The following FNDC3B variants were observed in gnomAD, a reference collection of about 807,000 sequenced individuals.
FNDC3B encodes the protein fibronectin type III domain-containing protein 3B.
A neutral mutation model predicts 151.5 loss-of-function variants in FNDC3B; 12 were observed. That is an observed-to-expected ratio of 0.08 (90% CI 0.05 to 0.13). The LOEUF (loss-of-function observed/expected upper bound fraction) is 0.13. Among genes scored for constraint, FNDC3B ranks in the 10% least tolerant of loss-of-function variants. The pLI is 1.00. For missense variants in FNDC3B, 1,214 were observed against 1,505.3 expected, an observed-to-expected ratio of 0.81 and a Z score of 3.20; for synonymous variants, 528 against 549.0, an observed-to-expected ratio of 0.96 and a Z score of 0.54.
intron 24 of FNDC3B, 21 bp from the exon 25 acceptor site, chr3:172,380,945 A>T (rs773403048): frequency 6.2e-7 from 1 of 1,611,394 alleles, no homozygotes; most frequent in South Asian, 1.1e-5. Context: ...TTGAGCTTGG[A>T]TGTGTGGATT....
At chr3:172,160,893 G>A (rs545253026) in intron 3 of FNDC3B, among the ~76,000 whole-genome samples, 15 of 152,112 alleles carry the variant, frequency 9.9e-5, no homozygotes, top group Non-Finnish European at 1.5e-4. Flanking sequence ...CGAATTTGCC[G>A]TTGAAAGAAT....
At chr3:172,132,283 G>T (rs1721143324) in intron 2 of FNDC3B, among the ~76,000 whole-genome samples, 1 of 152,168 alleles carries the variant, frequency 6.6e-6, no homozygotes, top group Non-Finnish European at 1.5e-5. Flanking sequence ...GAGGAACAGG[G>T]CTTGTTCCGA....
intron 11 of FNDC3B, among the ~76,000 whole-genome samples, chr3:172,322,843 A>G (rs1221355610): frequency 6.6e-6 from 1 of 150,464 alleles, no homozygotes; most frequent in Non-Finnish European, 1.5e-5. Context: ...TGGCTCTCAA[A>G]TACCAATCTT....
chr3:172,227,075 T>A, intron 4 of FNDC3B, 128 bp downstream of exon 4: 1 of 649,956 alleles, frequency 1.5e-6, no homozygotes, highest in Non-Finnish European at 2.8e-6. Flanking sequence ...TTTGCCATCA[T>A]TTTGTGGCAC....
chr3:172,381,513 T>C (rs568593321), intron 25 of FNDC3B, among the ~76,000 whole-genome samples: 7 of 152,028 alleles, frequency 4.6e-5, no homozygotes, highest in African/African-American at 1.7e-4. Flanking sequence ...GATACATGTG[T>C]AGAATATGCA....
chr3:172,287,825 A>C (rs899316899), intron 7 of FNDC3B, among the ~76,000 whole-genome samples: 1 of 152,182 alleles, frequency 6.6e-6, no homozygotes, highest in Non-Finnish European at 1.5e-5. Context: ...TAGGCATTTA[A>C]TCTTTTGAGG....
chr3:172,346,225 T>C, intron 19 of FNDC3B, 102 bp from the exon 20 acceptor site: 1 of 556,084 alleles, frequency 1.8e-6, no homozygotes, highest in Non-Finnish European at 3.2e-6. Flanking sequence ...GATGATGATG[T>C]TAGCCTAGCT....
chr3:172,356,672 A>G lies in FNDC3B; in HGVS notation c.2795+3589A>G, dbSNP rs567991225. Among the ~76,000 whole-genome samples the G allele has an allele frequency of 2.0e-5, 3 of 152,336 alleles. No homozygotes were observed. The South Asian group carries it at 6.2e-4, about 32-fold the overall frequency. On this transcript the variant is annotated intron_variant, in intron 22 of 25. Transcript: ENST00000415807. ...CGACTCCTCCTCCAGGAAGCCTTCT[A>G]TGAATAACTTTACTCGGAGCCCATC...
intron 2 of FNDC3B, chr3:172,126,826 T>C: frequency 3.6e-6 from 1 of 280,632 alleles, no homozygotes; most frequent in Non-Finnish European, 7.3e-6. Flanking sequence ...TATTACTTTT[T>C]ATTGCTGGCT....
At chr3:172,099,125 A>C (rs1236198800) in intron 1 of FNDC3B, among the ~76,000 whole-genome samples, 2 of 152,208 alleles carry the variant, frequency 1.3e-5, no homozygotes, top group East Asian at 3.8e-4. Context: ...ATTTTTAAAA[A>C]TGAAAGGGAA....
At chr3:172,164,897 G>A (rs1324933985) in intron 3 of FNDC3B, among the ~76,000 whole-genome samples, 2 of 152,164 alleles carry the variant, frequency 1.3e-5, no homozygotes, top group Admixed American at 1.3e-4. Context: ...TTTGTTATAG[G>A]GGGAAATATT....
At chr3:172,090,620 T>C (rs1718774902) in intron 1 of FNDC3B, among the ~76,000 whole-genome samples, 1 of 152,182 alleles carries the variant, frequency 6.6e-6, no homozygotes, top group African/African-American at 2.4e-5. Context: ...CTTTCAGTTT[T>C]TTCCTGTTAC....
At chr3:172,229,827 A>G (rs1014819070) in intron 4 of FNDC3B, among the ~76,000 whole-genome samples, 2 of 152,242 alleles carry the variant, frequency 1.3e-5, no homozygotes, top group African/African-American at 4.8e-5. Flanking sequence ...AATAACAATG[A>G]GACTGATCTA....
intron 3 of FNDC3B, among the ~76,000 whole-genome samples, chr3:172,213,870 ACCC>A (rs2108717662): frequency 6.6e-6 from 1 of 152,148 alleles, no homozygotes; most frequent in African/African-American, 2.4e-5. Context: ...CCAAATGTAG[ACCC>A]TTGATTTTGA....
intron 6 of FNDC3B, among the ~76,000 whole-genome samples, chr3:172,254,215 A>G (rs2108779593): frequency 6.6e-6 from 1 of 152,348 alleles, no homozygotes; most frequent in East Asian, 1.9e-4. Flanking sequence ...TACATGTATT[A>G]AAAAGATGCG....
chr3:172,186,591 T>TA, intron 3 of FNDC3B: 1 of 626,990 alleles, frequency 1.6e-6, no homozygotes, highest in Non-Finnish European at 2.8e-6. Context: ...ATGGTATTTT[T>TA]ACTCTTATTT....
chr3:172,153,237 A>T (rs147581493), intron 3 of FNDC3B, among the ~76,000 whole-genome samples: 1 of 152,202 alleles, frequency 6.6e-6, no homozygotes, highest in African/African-American at 2.4e-5. Context: ...AGAGAAAATA[A>T]TAACTCTAGA....
intron 1 of FNDC3B, among the ~76,000 whole-genome samples, chr3:172,077,553 C>T (rs768656113): frequency 3.3e-5 from 5 of 152,258 alleles, no homozygotes; most frequent in Non-Finnish European, 7.4e-5. Flanking sequence ...CGATTTATGT[C>T]GGACTTATAA....
chr3:172,258,974 T>C lies in FNDC3B; in HGVS notation c.790+7433T>C, dbSNP rs1000626058. 3.3e-5 allele frequency among the ~76,000 whole-genome samples: 5 copies of C among 152,182 alleles called. No individual in the cohort carries two copies. In the East Asian group the frequency reaches 9.6e-4, roughly 29 times the overall value. Reference sequence around the variant, plus strand: ...AGGCTGGAGTTGGCAGGGTTCTTCTTTTCCCCCAGAGTATCTGCTTCCCTT... The same window carrying C: ...AGGCTGGAGTTGGCAGGGTTCTTCTCTTCCCCCAGAGTATCTGCTTCCCTT... On this transcript the variant is annotated intron_variant, in intron 6 of 25. Coordinates refer to ENST00000415807, the MANE Select transcript of FNDC3B (RefSeq NM_022763.4).
Sources: allele counts gnomAD v4.1 joint callset (sites outside exome capture counted in the v4.1 genomes callset), GRCh38; gene constraint gnomAD v4.1.1; transcripts MANE v1.5; gene names NCBI Gene and HGNC (gene_info 2026-07-23, HGNC 2026-07-21).